The following TRDN variants were observed in gnomAD, a reference collection of about 807,000 sequenced individuals.
TRDN encodes the protein triadin in skeletal muscle.
In TRDN, 161 loss-of-function variants were observed where a neutral mutation model predicts 149.7. That is an observed-to-expected ratio of 1.08 (90% confidence interval 0.95 to 1.23). TRDN has a LOEUF of 1.23. Among genes scored for constraint, TRDN ranks in the 50% most tolerant of loss-of-function variants. TRDN has a pLI of 0.00. For missense variants in TRDN, 896 were observed against 823.5 expected, an observed-to-expected ratio of 1.09 and a Z score of -1.08; for synonymous variants, 294 against 250.5, an observed-to-expected ratio of 1.17 and a Z score of -1.64.
chr6:123,386,342 T>C (rs1216321894), intron 14 of TRDN, among the ~76,000 whole-genome samples: 2 of 152,114 alleles, frequency 1.3e-5, no homozygotes, highest in East Asian at 3.9e-4. Context: ...ATAAGCTCTG[T>C]TAGGATAACA....
intron 21 of TRDN, among the ~76,000 whole-genome samples, chr6:123,342,419 C>A (rs979116339): frequency 2.6e-5 from 4 of 151,856 alleles, no homozygotes; most frequent in African/African-American, 9.6e-5. Flanking sequence ...TTTAAGATGT[C>A]AAAGCTTCCA....
intron 38 of TRDN, among the ~76,000 whole-genome samples, chr6:123,233,209 A>G (rs546029200): frequency 6.6e-6 from 1 of 152,170 alleles, no homozygotes; most frequent in South Asian, 2.1e-4. Flanking sequence ...AATCTTAAAA[A>G]CCCACGGTAG....
At chr6:123,503,277 A>G (rs779585799) in intron 8 of TRDN, 16 of 985,158 alleles carry the variant, frequency 1.6e-5, no homozygotes, top group Non-Finnish European at 1.9e-5. Flanking sequence ...TAATGTATGG[A>G]TAGTTTTTAT....
intron 12 of TRDN, chr6:123,434,184 A>G (rs1291204274): frequency 6.6e-6 from 1 of 152,150 alleles, no homozygotes; most frequent in African/African-American, 2.4e-5. Context: ...CTCTTATTGT[A>G]TGAATTTTAT....
At chr6:123,263,677 G>A (rs962948847) in intron 33 of TRDN, among the ~76,000 whole-genome samples, 7 of 151,984 alleles carry the variant, frequency 4.6e-5, no homozygotes, top group South Asian at 2.1e-4. Context: ...AAAAGAAGAC[G>A]TCATCTAGAA....
At chr6:123,360,367 C>A (rs750946929) in intron 20 of TRDN, among the ~76,000 whole-genome samples, 1 of 152,060 alleles carries the variant, frequency 6.6e-6, no homozygotes, top group South Asian at 2.1e-4. Flanking sequence ...CCAACAATCA[C>A]GAGGCAACAG....
chr6:123,531,847 G>A (rs939009887), intron 4 of TRDN, among the ~76,000 whole-genome samples: 1 of 151,996 alleles, frequency 6.6e-6, no homozygotes, highest in African/African-American at 2.4e-5. Context: ...TTCTGAATTG[G>A]GTGAAGCATT....
At position 123,218,516 on chromosome 6, in the gene TRDN, C is replaced by A; in HGVS notation, c.*85G>T. ...GTTTTCACAGAAATTCTCTGGGTTG[C>A]ATATTCTTAATTGCCTGAACTACTG... On this transcript the variant is annotated 3_prime_UTR_variant, in exon 41 of 41. Transcript: ENST00000334268. 6.8e-7 allele frequency: 1 copy of A among 1,462,402 alleles called. No individual in the cohort carries two copies. The highest frequency in any genetic ancestry group is 9.2e-7 in the Non-Finnish European group (1 of 1,088,246). 90.6% of individuals were successfully genotyped at this position (1,462,402 alleles called of 1,614,324 possible).
chr6:123,636,273 A>G (rs1673526560), intron 1 of TRDN, among the ~76,000 whole-genome samples: 1 of 151,996 alleles, frequency 6.6e-6, no homozygotes, highest in African/African-American at 2.4e-5. Context: ...GAAAGGAAAA[A>G]CAAATTTAAG....
chr6:123,327,700 C>T (rs1271582765), intron 23 of TRDN, among the ~76,000 whole-genome samples: 2 of 151,864 alleles, frequency 1.3e-5, no homozygotes, highest in Non-Finnish European at 2.9e-5. Context: ...AGAAGTTTTG[C>T]TAATTTCTCT....
intron 24 of TRDN, among the ~76,000 whole-genome samples, chr6:123,298,399 C>A (rs1339669194): frequency 3.9e-5 from 6 of 152,128 alleles, no homozygotes; most frequent in Non-Finnish European, 5.9e-5. Context: ...TAAGACTCAG[C>A]TCACTCTTCA....
At chr6:123,481,418 GA>G (rs34840627) in intron 9 of TRDN, among the ~76,000 whole-genome samples, 27,302 of 116,544 alleles carry the variant, frequency 0.23, 2,604 homozygotes, top group South Asian at 0.37. Flanking sequence ...GAAGAAAAAG[GA>G]AAAAAAAAAA....
At chr6:123,316,397 A>G in intron 24 of TRDN, 60 bp downstream of exon 24, 1 of 1,508,810 alleles carries the variant, frequency 6.6e-7, no homozygotes, top group Non-Finnish European at 9.2e-7. Flanking sequence ...CTGTAAAACT[A>G]GCTTTCTTCC....
At chr6:123,570,273 G>C (rs1469139483) in intron 2 of TRDN, among the ~76,000 whole-genome samples, 1 of 152,170 alleles carries the variant, frequency 6.6e-6, no homozygotes, top group Admixed American at 6.5e-5. Flanking sequence ...CTCAGCACTT[G>C]GCTGATTCCT....
chr6:123,409,577 G>A (rs1773345740), intron 12 of TRDN, among the ~76,000 whole-genome samples: 1 of 152,128 alleles, frequency 6.6e-6, no homozygotes, highest in Non-Finnish European at 1.5e-5. Context: ...CAAAGAAACA[G>A]ATTCTTCTGC....
At chr6:123,337,751 C>A in intron 21 of TRDN, 82 bp from the exon 22 acceptor site, 2 of 772,334 alleles carry the variant, frequency 2.6e-6, no homozygotes, top group Non-Finnish European at 4.1e-6. Flanking sequence ...GTTTTGTATA[C>A]TGAGGCTTAA....
intron 1 of TRDN, among the ~76,000 whole-genome samples, chr6:123,598,009 G>C (rs1171166827): frequency 2.0e-5 from 3 of 152,014 alleles, no homozygotes; most frequent in African/African-American, 7.2e-5. Context: ...AATTAGAAAA[G>C]ATCTTATCAG....
intron 38 of TRDN, among the ~76,000 whole-genome samples, chr6:123,233,292 T>C (rs1452130836): frequency 6.6e-6 from 1 of 152,130 alleles, no homozygotes; most frequent in African/African-American, 2.4e-5. Flanking sequence ...TGTGCTATTA[T>C]TTAAAGTAAT....
chr6:123,433,164 T>C (rs895058949), intron 12 of TRDN, among the ~76,000 whole-genome samples: 1 of 57,406 alleles, frequency 1.7e-5, no homozygotes, highest in African/African-American at 5.1e-5. Flanking sequence ...ATATATATAA[T>C]ATATATATAT....
Sources: allele counts gnomAD v4.1 joint callset (sites outside exome capture counted in the v4.1 genomes callset), GRCh38; gene constraint gnomAD v4.1.1; transcripts MANE v1.5; gene names NCBI Gene and HGNC (gene_info 2026-07-23, HGNC 2026-07-21).